Variants in SASH1 observed in about 807,000 individuals in gnomAD.
SASH1 encodes SAM and SH3 domain containing 1.
A neutral mutation model predicts 125.2 loss-of-function variants in SASH1; 44 were observed. The observed-to-expected ratio is 0.35, with a 90% CI of 0.28 to 0.45. SASH1 has a LOEUF of 0.45. Ranked by LOEUF, SASH1 falls within the 20% of genes least tolerant of loss-of-function variation. The pLI, the probability that SASH1 is intolerant of heterozygous loss-of-function variation, is 1.00. For missense variants in SASH1, 1,426 were observed against 1,614.5 expected (o/e 0.88, Z 2.00); for synonymous variants, 639 against 649.1 (o/e 0.98, Z 0.24).
At chr6:148,250,582 A>AC in the SASH1 span, among the ~76,000 whole-genome samples, 2 of 151,948 alleles carry the variant, frequency 1.3e-5, no homozygotes, top group African/African-American at 2.4e-5. Context: ...TAAAAAAAAA[A>AC]AAAAAAACTG....
intron 10 of SASH1, among the ~76,000 whole-genome samples, chr6:148,522,892 GA>G (rs1159526788): frequency 6.6e-6 from 1 of 152,106 alleles, no homozygotes; most frequent in Non-Finnish European, 1.5e-5. Flanking sequence ...TGATCTTATA[GA>G]AAAAGTTAGA....
intron 1 of SASH1, among the ~76,000 whole-genome samples, chr6:148,359,057 G>A (rs4896995): frequency 0.9 from 137,193 of 151,948 alleles, 61,933 homozygotes; most frequent in Middle Eastern, 0.93. Context: ...TTAAACATCT[G>A]TGGTCCTTGG....
At chr6:148,491,062 T>C (rs918739431) in intron 8 of SASH1, among the ~76,000 whole-genome samples, 1 of 152,236 alleles carries the variant, frequency 6.6e-6, no homozygotes, top group Non-Finnish European at 1.5e-5. Context: ...CAAGCGTATT[T>C]ATTGCTACCT....
At chr6:148,291,058 G>T (rs1181067945) in intron 1 of SASH1, among the ~76,000 whole-genome samples, 1 of 151,074 alleles carries the variant, frequency 6.6e-6, no homozygotes, top group East Asian at 1.9e-4. Flanking sequence ...GAGTGCAGTG[G>T]TGCAAATCAT....
chr6:148,516,488 GCGCCCCC>G (rs1422594440), intron 9 of SASH1, among the ~76,000 whole-genome samples: 4 of 79,484 alleles, frequency 5.0e-5, no homozygotes, highest in African/African-American at 9.1e-5. Context: ...ACGCCAGTAG[GCGCCCCC>G]TCCCCCCTCC....
chr6:148,443,143 G>GAAA (rs3035290), intron 4 of SASH1, among the ~76,000 whole-genome samples: 1 of 129,406 alleles, frequency 7.7e-6, no homozygotes, highest in African/African-American at 2.8e-5. Flanking sequence ...GCACTTTTTA[G>GAAA]AAAAAAAAAA....
rs1443039636 is a variant in SASH1 at position 148,506,839 on chromosome 6, G to C, written c.730-7485G>C. 4.6e-5 allele frequency among the ~76,000 whole-genome samples: 7 copies of C among 152,290 alleles called. No individual in the cohort carries two copies. The East Asian group carries it at 1.4e-3, about 29-fold the overall frequency. On this transcript the variant is annotated intron_variant, in intron 8 of 19. Transcript: ENST00000367467. ...ACTTTGCAGCATAGTTGTCAGTCTT[G>C]GATGAAGAAAGGTCTTGTTGAGGTA...
At chr6:148,375,238 C>T (rs1485637456) in intron 1 of SASH1, among the ~76,000 whole-genome samples, 3 of 149,866 alleles carry the variant, frequency 2.0e-5, no homozygotes, top group Admixed American at 6.6e-5. Flanking sequence ...ATGATCCACC[C>T]GCCTCAGCCT....
intron 4 of SASH1, among the ~76,000 whole-genome samples, chr6:148,442,018 T>C (rs1421265344): frequency 6.6e-6 from 1 of 152,266 alleles, no homozygotes; most frequent in Non-Finnish European, 1.5e-5. Flanking sequence ...AAAAACATTT[T>C]GTCCTTTATT....
intron 4 of SASH1, among the ~76,000 whole-genome samples, chr6:148,441,719 T>C (rs1687781914): frequency 1.3e-5 from 2 of 152,170 alleles, no homozygotes; most frequent in Non-Finnish European, 2.9e-5. Flanking sequence ...ACGAGAAATG[T>C]TTGCTCTTCC....
At chr6:148,389,715 T>G (rs554872392) in intron 1 of SASH1, among the ~76,000 whole-genome samples, 11 of 152,268 alleles carry the variant, frequency 7.2e-5, no homozygotes, top group African/African-American at 2.6e-4. Context: ...GGGGCCACAT[T>G]GGGCATTAGG....
At chr6:148,327,239 G>A (rs1410969121) in intron 1 of SASH1, among the ~76,000 whole-genome samples, 1 of 151,778 alleles carries the variant, frequency 6.6e-6, no homozygotes, top group East Asian at 1.9e-4. Flanking sequence ...AGGAACGAAC[G>A]GACGAATGAA....
At chr6:148,224,217 G>A in the SASH1 span, among the ~76,000 whole-genome samples, 1 of 152,230 alleles carries the variant, frequency 6.6e-6, no homozygotes, top group African/African-American at 2.4e-5. Flanking sequence ...GATCACTAGA[G>A]CCTAAGAGGT....
the SASH1 span, among the ~76,000 whole-genome samples, chr6:148,224,201 C>T: frequency 2.6e-5 from 4 of 152,000 alleles, no homozygotes; most frequent in South Asian, 2.1e-4. Flanking sequence ...GAGGCTGAGG[C>T]GGGAGGATCA....
the SASH1 span, among the ~76,000 whole-genome samples, chr6:148,209,602 G>A: frequency 4.3e-4 from 65 of 152,180 alleles, no homozygotes; most frequent in African/African-American, 1.2e-3. Flanking sequence ...GTCCTCACCC[G>A]TTGTCAGCTG....
At chr6:148,520,005 G>T in intron 10 of SASH1, 112 bp downstream of exon 10, 1 of 705,052 alleles carries the variant, frequency 1.4e-6, no homozygotes, top group Admixed American at 2.9e-5. Flanking sequence ...GAAGAAAACG[G>T]ATACTAATTA....
chr6:148,432,403 C>T (rs1465453399), intron 2 of SASH1, among the ~76,000 whole-genome samples: 1 of 152,210 alleles, frequency 6.6e-6, no homozygotes, highest in Non-Finnish European at 1.5e-5. Context: ...TACCACAACT[C>T]TACAGCCTTC....
At chr6:148,273,818 G>A (rs1368559807) in intron 1 of SASH1, among the ~76,000 whole-genome samples, 2 of 152,172 alleles carry the variant, frequency 1.3e-5, no homozygotes, top group Non-Finnish European at 2.9e-5. Flanking sequence ...GCTCACTACT[G>A]TCTCTGAGGA....
At chr6:148,283,463 T>G (rs955448474) in intron 1 of SASH1, 4 of 152,190 alleles carry the variant, frequency 2.6e-5, no homozygotes, top group African/African-American at 9.7e-5. Flanking sequence ...TCACAGCACA[T>G]GGTCATAGAA....
Sources: allele counts gnomAD v4.1 joint callset (sites outside exome capture counted in the v4.1 genomes callset), GRCh38; gene constraint gnomAD v4.1.1; transcripts MANE v1.5; gene names NCBI Gene and HGNC (gene_info 2026-07-23, HGNC 2026-07-21).